Variants in JAZF1 observed in about 807,000 individuals in gnomAD.
The protein encoded by JAZF1 is JAZF zinc finger 1, also known as juxtaposed with another zinc finger protein 1.
A neutral mutation model predicts 26.4 loss-of-function variants in JAZF1; 8 were observed. The observed-to-expected ratio is 0.30, with a 90% CI of 0.18 to 0.55. The LOEUF is 0.55. Among genes scored for constraint, JAZF1 ranks in the 20% least tolerant of loss-of-function variants. The pLI, the probability that JAZF1 is intolerant of heterozygous loss-of-function variation, is 0.94. For missense variants in JAZF1, 199 were observed against 322.0 expected, an observed-to-expected ratio of 0.62 and a Z score of 2.92; for synonymous variants, 126 against 122.3, an observed-to-expected ratio of 1.03 and a Z score of -0.20.
intron 2 of JAZF1, among the ~76,000 whole-genome samples, chr7:27,897,290 A>C (rs1784084502): frequency 6.6e-6 from 1 of 152,208 alleles, no homozygotes; most frequent in African/African-American, 2.4e-5. Context: ...GGGTAGAAAA[A>C]AATGTTTACA....
intron 3 of JAZF1, among the ~76,000 whole-genome samples, chr7:27,855,485 A>G (rs1783231736): frequency 1.3e-5 from 2 of 152,170 alleles, no homozygotes; most frequent in Admixed American, 1.3e-4. Context: ...CTAATAAGAA[A>G]AGAGAGAAGA....
intron 1 of JAZF1, among the ~76,000 whole-genome samples, chr7:28,075,565 T>C (rs185200064): frequency 6.6e-6 from 1 of 152,358 alleles, no homozygotes; most frequent in African/African-American, 2.4e-5. Context: ...ATGTATATTG[T>C]AATTGGTTGG....
intron 1 of JAZF1, among the ~76,000 whole-genome samples, chr7:28,151,332 T>C (rs1369955879): frequency 6.6e-6 from 1 of 151,876 alleles, no homozygotes; most frequent in African/African-American, 2.4e-5. Flanking sequence ...CTTAAACTCC[T>C]GACCACAAGT....
rs113220716 is a variant in JAZF1, at chr7:27,840,887, C to T, written c.386-20G>A. On this transcript the variant is annotated intron_variant, in intron 3 of 4. Transcript: ENST00000283928. The surrounding 1 kb of genome is among the most constrained non-coding windows in gnomAD (Gnocchi z 5.1). ...CGCTGCCTGCAGGACAAGAGAAGTG[C>T]AAGGACTGTCAGGAGCGCTCATCTC... 1.1e-5 allele frequency: 18 copies of T among 1,612,454 alleles called. No individual in the cohort carries two copies. In the African/African-American group the frequency reaches 1.2e-4, roughly 11 times the overall value.
At chr7:28,159,288 A>G (rs1783240982) in intron 1 of JAZF1, among the ~76,000 whole-genome samples, 1 of 151,946 alleles carries the variant, frequency 6.6e-6, no homozygotes, top group Non-Finnish European at 1.5e-5. Context: ...CTACTTTTGC[A>G]ACTTTTCAGT....
chr7:28,051,150 A>AAAAAC (rs1554284614), intron 1 of JAZF1, among the ~76,000 whole-genome samples: 4 of 135,696 alleles, frequency 2.9e-5, no homozygotes, highest in Admixed American at 7.7e-5. Context: ...AAAAAAAAAA[A>AAAAAC]AAAAAACAAA....
At chr7:28,089,340 AGGGCC>A (rs1468952051) in intron 1 of JAZF1, among the ~76,000 whole-genome samples, 4 of 152,212 alleles carry the variant, frequency 2.6e-5, no homozygotes. Context: ...AACCAGGAAG[AGGGCC>A]TTACCAGACC....
chr7:27,852,212 A>C (rs1583430693), intron 3 of JAZF1, among the ~76,000 whole-genome samples: 1 of 151,398 alleles, frequency 6.6e-6, no homozygotes, highest in South Asian at 2.1e-4. Context: ...GCTCACTGCA[A>C]CCTCCACCTC....
chr7:28,148,892 C>G (rs1783066540), intron 1 of JAZF1, among the ~76,000 whole-genome samples: 1 of 152,184 alleles, frequency 6.6e-6, no homozygotes, highest in Admixed American at 6.5e-5. Flanking sequence ...GGAGGAAAAC[C>G]TCCTTGCGGT....
chr7:28,020,593 A>G (rs758109995), intron 1 of JAZF1: 1 of 471,148 alleles, frequency 2.1e-6, no homozygotes, highest in Non-Finnish European at 4.4e-6. Flanking sequence ...TTCGTACAAC[A>G]ACCATGTCTT....
intron 2 of JAZF1, among the ~76,000 whole-genome samples, chr7:27,923,289 T>G (rs1002342255): frequency 6.6e-6 from 1 of 152,212 alleles, no homozygotes; most frequent in Admixed American, 6.5e-5. Flanking sequence ...AAAATGACTC[T>G]TCCAAACGAA....
intron 2 of JAZF1, chr7:27,914,761 G>C (rs1018735414): frequency 6.4e-6 from 3 of 471,066 alleles, no homozygotes; most frequent in African/African-American, 6.0e-5. Flanking sequence ...CTCTCAGGAT[G>C]CTACAGTAGA....
intron 1 of JAZF1, among the ~76,000 whole-genome samples, chr7:28,141,594 G>C (rs1210757805): frequency 6.6e-6 from 1 of 152,104 alleles, no homozygotes; most frequent in East Asian, 1.9e-4. Context: ...TTAGTATCAG[G>C]CATAGACTAA....
intron 2 of JAZF1, among the ~76,000 whole-genome samples, chr7:27,933,478 C>T (rs143755969): frequency 7.2e-5 from 11 of 152,316 alleles, no homozygotes; most frequent in East Asian, 1.9e-4. Context: ...AAAAAACACA[C>T]ATAAATATTA....
intron 2 of JAZF1, among the ~76,000 whole-genome samples, chr7:27,937,635 A>G (rs1562534356): frequency 6.6e-6 from 1 of 152,246 alleles, no homozygotes; most frequent in Non-Finnish European, 1.5e-5. Flanking sequence ...AACAAGAAAA[A>G]AAATTAAGCA....
chr7:28,129,280 A>G (rs562593814), intron 1 of JAZF1, among the ~76,000 whole-genome samples: 4 of 152,156 alleles, frequency 2.6e-5, no homozygotes, highest in Non-Finnish European at 5.9e-5. Flanking sequence ...CTGAAGATGA[A>G]AAAAGAGCCT....
intron 1 of JAZF1, among the ~76,000 whole-genome samples, chr7:28,110,830 A>G (rs1212117121): frequency 6.6e-6 from 1 of 152,186 alleles, no homozygotes; most frequent in Non-Finnish European, 1.5e-5. Flanking sequence ...ATGATATCTC[A>G]GTCACCTAAA....
intron 1 of JAZF1, among the ~76,000 whole-genome samples, chr7:28,083,266 G>A (rs953594407): frequency 2.6e-5 from 4 of 152,014 alleles, no homozygotes; most frequent in African/African-American, 9.7e-5. Flanking sequence ...TGCCCCACTC[G>A]TGCATATACC....
Position 27,915,365 on chromosome 7 carries a change from A to C in JAZF1, c.189-19949T>G, listed in dbSNP as rs570507500. On this transcript the variant is annotated intron_variant, in intron 2 of 4. Coordinates refer to ENST00000283928, the MANE Select transcript of JAZF1 (RefSeq NM_175061.4). The stretch of plus-strand genomic sequence containing the variant: ...CGAGTGCCTTCTTTCAGCTTAGCTC[A>C]GCCTGACTTCATCTTGGGTCATTAA... 2.8e-4 allele frequency among the ~76,000 whole-genome samples: 43 copies of C among 152,316 alleles called. No individual in the cohort carries two copies. In the Middle Eastern group the frequency reaches 0.02, roughly 72 times the overall value.
Sources: allele counts gnomAD v4.1 joint callset (sites outside exome capture counted in the v4.1 genomes callset), GRCh38; gene constraint gnomAD v4.1.1; non-coding constraint Gnocchi (gnomAD v3.1); transcripts MANE v1.5; gene names NCBI Gene and HGNC (gene_info 2026-07-23, HGNC 2026-07-21).